The following DLG2 variants were observed in gnomAD, a reference collection of about 807,000 sequenced individuals.
The protein encoded by DLG2 is disks large homolog 2.
DLG2 carries 45 observed loss-of-function variants against 132.5 expected under a neutral mutation model. The ratio of observed to expected loss-of-function variants is 0.34; its 90% CI spans 0.27 to 0.44. DLG2 has a LOEUF of 0.44. Among genes scored for constraint, DLG2 ranks in the 20% least tolerant of loss-of-function variants. The probability of loss-of-function intolerance (pLI) is 1.00; values close to 1 mark genes in which losing one functional copy is unlikely to be tolerated. For missense variants in DLG2, 1,045 were observed against 1,196.9 expected (o/e 0.87, Z 1.87); for synonymous variants, 424 against 419.6 (o/e 1.01, Z -0.13).
intron 16 of DLG2, among the ~76,000 whole-genome samples, chr11:83,853,816 G>C (rs961867690): frequency 2.0e-5 from 3 of 152,018 alleles, no homozygotes; most frequent in Non-Finnish European, 4.4e-5. Flanking sequence ...ACTAAGATCA[G>C]AAACAAGGCA....
intron 6 of DLG2, among the ~76,000 whole-genome samples, chr11:84,865,850 T>C (rs1352572703): frequency 6.6e-6 from 1 of 152,102 alleles, no homozygotes; most frequent in Admixed American, 6.5e-5. Context: ...AACCCAAGAC[T>C]GATTGCTCAG....
intron 11 of DLG2, among the ~76,000 whole-genome samples, chr11:84,053,842 A>G (rs2096449399): frequency 2.6e-5 from 4 of 151,908 alleles, no homozygotes; most frequent in African/African-American, 9.7e-5. Flanking sequence ...CATAGTTACC[A>G]TTTTTCCTGT....
At chr11:85,490,448 C>T (rs555488748) in intron 3 of DLG2, among the ~76,000 whole-genome samples, 1 of 151,796 alleles carries the variant, frequency 6.6e-6, no homozygotes, top group South Asian at 2.1e-4. Context: ...AAATAACAAA[C>T]ATCAGAGCAG....
In DLG2 at chr11:85,042,670, T is replaced by A. The variant is rs992251046; in HGVS notation, c.357+68991A>T. 2.6e-5 allele frequency among the ~76,000 whole-genome samples: 4 copies of A among 152,054 alleles called. No homozygotes were observed. In the East Asian group the frequency reaches 5.8e-4, roughly 22 times the overall value. The stretch of plus-strand genomic sequence containing the variant: ...ATTGTTATTTTCTTAATAAATAAGT[T>A]GGGGAGTAAATAAAGTTAGTGGATT... On this transcript the variant is annotated intron_variant, in intron 6 of 27. Transcript: ENST00000376104.
At chr11:85,196,930 C>T (rs1358777179) in intron 4 of DLG2, among the ~76,000 whole-genome samples, 1 of 152,174 alleles carries the variant, frequency 6.6e-6, no homozygotes, top group African/African-American at 2.4e-5. Flanking sequence ...GTGAGATTCA[C>T]ATAAAAAGAA....
At chr11:84,799,614 C>A (rs2075118089) in intron 6 of DLG2, among the ~76,000 whole-genome samples, 1 of 152,202 alleles carries the variant, frequency 6.6e-6, no homozygotes, top group Admixed American at 6.5e-5. Context: ...ACACTCAAGG[C>A]TTTATTTGTA....
chr11:85,449,785 C>G (rs1048655718), intron 3 of DLG2, among the ~76,000 whole-genome samples: 1 of 79,204 alleles, frequency 1.3e-5, no homozygotes, highest in African/African-American at 5.2e-5. Context: ...TTGGAACTAC[C>G]TAAAGTTTTT....
intron 6 of DLG2, among the ~76,000 whole-genome samples, chr11:84,566,340 C>T (rs1040868137): frequency 2.0e-5 from 3 of 152,264 alleles, no homozygotes; most frequent in South Asian, 2.1e-4. Context: ...TTCCCAGATA[C>T]ATACTATTGG....
chr11:84,839,429 T>G (rs1322254423), intron 6 of DLG2, among the ~76,000 whole-genome samples: 1 of 152,086 alleles, frequency 6.6e-6, no homozygotes, highest in Admixed American at 6.5e-5. Context: ...CAAGGTAATT[T>G]ATAGATTCAA....
chr11:85,105,853 G>A (rs1002200450), intron 6 of DLG2, among the ~76,000 whole-genome samples: 1 of 151,910 alleles, frequency 6.6e-6, no homozygotes, highest in African/African-American at 2.4e-5. Flanking sequence ...GAAACACCCA[G>A]AGAGCAGACA....
At chr11:85,360,960 G>GTCTCAT (rs527496060) in intron 3 of DLG2, among the ~76,000 whole-genome samples, 134 of 152,200 alleles carry the variant, frequency 8.8e-4, no homozygotes, top group African/African-American at 3.1e-3. Flanking sequence ...TGTATAGAGA[G>GTCTCAT]TCTCATTGTA....
At chr11:84,061,333 T>A (rs1446058981) in intron 10 of DLG2, among the ~76,000 whole-genome samples, 1 of 152,240 alleles carries the variant, frequency 6.6e-6, no homozygotes, top group Non-Finnish European at 1.5e-5. Flanking sequence ...GAACACCTAA[T>A]AAATGTTTGT....
rs1198369280 is a variant in DLG2 at position 85,005,870 on chromosome 11, A to G, written c.357+105791T>C. On this transcript the variant is annotated intron_variant, in intron 6 of 27. Coordinates refer to ENST00000376104, the MANE Select transcript of DLG2 (RefSeq NM_001142699.3). Reference sequence around the variant, plus strand: ...ATGATATTGGCTATGGGTCTGTCATACATAGCTATTATTTTGAGATACAAT... The same window carrying G: ...ATGATATTGGCTATGGGTCTGTCATGCATAGCTATTATTTTGAGATACAAT... Among the ~76,000 whole-genome samples the G allele has an allele frequency of 2.6e-5, 4 of 152,136 alleles. No homozygotes were observed. In the East Asian group the frequency reaches 7.7e-4, roughly 29 times the overall value.
chr11:85,444,093 C>G (rs1479052841), intron 3 of DLG2, among the ~76,000 whole-genome samples: 3 of 152,104 alleles, frequency 2.0e-5, no homozygotes, highest in African/African-American at 7.2e-5. Context: ...ATGATATTCA[C>G]TCTATGTTCA....
chr11:85,618,105 T>C (rs1591358205), intron 2 of DLG2, among the ~76,000 whole-genome samples: 1 of 152,184 alleles, frequency 6.6e-6, no homozygotes, highest in Admixed American at 6.5e-5. Context: ...GGAAAGCTTA[T>C]TAGTTGGAAT....
chr11:83,593,694 G>C (rs1016576657), intron 19 of DLG2, among the ~76,000 whole-genome samples: 3 of 145,622 alleles, frequency 2.1e-5, no homozygotes, highest in African/African-American at 7.6e-5. Context: ...AATTTATATA[G>C]AGAGATCATT....
rs774242401 is a variant in DLG2, at chr11:83,532,677, G to T, written c.2193+31C>A. The T allele has an allele frequency of 4.4e-6, 7 of 1,595,624 alleles. No individual in the cohort carries two copies. The South Asian group carries it at 7.7e-5, about 18-fold the overall frequency. ...ATAGTTAAATCCATGGCAACTGAGA[G>T]AACTTGATGTTTCCATCATTTTGTA... On this transcript the variant is annotated intron_variant, in intron 21 of 27. Coordinates refer to ENST00000376104, the MANE Select transcript of DLG2 (RefSeq NM_001142699.3).
intron 3 of DLG2, among the ~76,000 whole-genome samples, chr11:85,512,595 C>T (rs2094098436): frequency 6.6e-6 from 1 of 152,020 alleles, no homozygotes; most frequent in Non-Finnish European, 1.5e-5. Flanking sequence ...TTTAATAAAT[C>T]AGTCTCCTAG....
chr11:85,096,361 T>C (rs1208749840), intron 6 of DLG2, among the ~76,000 whole-genome samples: 2 of 152,132 alleles, frequency 1.3e-5, no homozygotes, highest in Non-Finnish European at 2.9e-5. Context: ...TGTGGCTTCA[T>C]TCCTGAAGTT....
Sources: gnomAD v4.1 joint callset for allele counts (sites outside exome capture counted in the v4.1 genomes callset) on GRCh38, gnomAD v4.1.1 for gene constraint, MANE v1.5 for transcripts, NCBI Gene and HGNC (gene_info 2026-07-23, HGNC 2026-07-21) for gene names.